OPCML: variants seen among roughly 807,000 people sequenced by gnomAD.
The protein encoded by OPCML is opioid-binding protein/cell adhesion molecule.
Under a neutral mutation model 37.8 loss-of-function variants are expected in OPCML, and 13 were observed. The ratio of observed to expected loss-of-function variants is 0.34; its 90% CI spans 0.22 to 0.55. The LOEUF is 0.55. OPCML is among the 20% of genes least tolerant of loss of function. The pLI is 0.91. For synonymous variants in OPCML, 176 were observed against 168.8 expected, an observed-to-expected ratio of 1.04 and a Z score of -0.33; for missense variants, 341 against 435.6, an observed-to-expected ratio of 0.78 and a Z score of 1.93.
chr11:133,192,912 T>C, intron 1 of OPCML, among the ~76,000 whole-genome samples: 1 of 152,008 alleles, frequency 6.6e-6, no homozygotes. Flanking sequence ...ACATGGCATT[T>C]GAATTGAGGT....
intron 2 of OPCML, among the ~76,000 whole-genome samples, chr11:132,882,463 C>T (rs185876198): frequency 0.012 from 1,849 of 152,272 alleles, 17 homozygotes; most frequent in Non-Finnish European, 0.021. Context: ...TCATTTGTGT[C>T]CCATCCTCTC....
intron 2 of OPCML, among the ~76,000 whole-genome samples, chr11:132,770,158 A>G (rs1946591355): frequency 6.6e-6 from 1 of 152,162 alleles, no homozygotes; most frequent in Non-Finnish European, 1.5e-5. Flanking sequence ...GAAGTCAACA[A>G]ATAACTTGTT....
At chr11:133,340,485 T>C (rs566928911) in intron 1 of OPCML, among the ~76,000 whole-genome samples, 5 of 151,250 alleles carry the variant, frequency 3.3e-5, no homozygotes, top group African/African-American at 1.2e-4. Context: ...CCTATATAAC[T>C]ATTCTAGCCC....
In OPCML at chr11:133,063,003, C is replaced by T. The variant is rs1204223312; in HGVS notation, c.62-119993G>A. ...CATCCTCCTTGTGCCTGTCCAGTGC[C>T]TCCCATGGCCGGGGGCCAGCATGGG... is the stretch of plus-strand genomic sequence containing the variant. On this transcript the variant is annotated intron_variant, in intron 1 of 7. Coordinates refer to ENST00000524381, the MANE Select transcript of OPCML (RefSeq NM_001012393.5). Among the ~76,000 whole-genome samples, 4 of 152,392 alleles carry T rather than the reference C, an allele frequency of 2.6e-5. No homozygotes were observed. In the East Asian group the frequency reaches 7.7e-4, roughly 29 times the overall value.
chr11:132,573,077 T>C (rs1262528694), intron 3 of OPCML, among the ~76,000 whole-genome samples: 1 of 152,002 alleles, frequency 6.6e-6, no homozygotes, highest in Non-Finnish European at 1.5e-5. Context: ...CAAACACAAC[T>C]ACATTTTGTA....
chr11:132,441,196 T>A (rs7124192), intron 4 of OPCML, among the ~76,000 whole-genome samples: 1 of 106,870 alleles, frequency 9.4e-6, no homozygotes, highest in African/African-American at 4.8e-5. Flanking sequence ...GAGACGGAGT[T>A]TCGCTCTGTC....
At chr11:133,292,256 A>G (rs1243718304) in intron 1 of OPCML, among the ~76,000 whole-genome samples, 2 of 152,130 alleles carry the variant, frequency 1.3e-5, no homozygotes, top group Non-Finnish European at 2.9e-5. Flanking sequence ...TCCAAGAGTA[A>G]TAATGCCTTT....
chr11:132,515,026 A>G (rs2096276692), intron 4 of OPCML, among the ~76,000 whole-genome samples: 1 of 152,190 alleles, frequency 6.6e-6, no homozygotes, highest in South Asian at 2.1e-4. Flanking sequence ...GGAGAGGCCC[A>G]GGATGAAAGC....
rs1301893070 is a variant in OPCML at position 133,140,949 on chromosome 11, CGAAGAA to C, written c.62-197945_62-197940del. ...ACGACGACGAAGAAGAAGAAGACGA[CGAAGAA>C]GAAGAAGAAGAAGAAGAAGAAGAAG... On this transcript the variant is annotated intron_variant, in intron 1 of 7. Coordinates refer to ENST00000524381, the MANE Select transcript of OPCML (RefSeq NM_001012393.5). Among the ~76,000 whole-genome samples the C allele has an allele frequency of 5.1e-3, 15 of 2,916 alleles. 4 individuals are homozygous for C. The highest frequency in any genetic ancestry group is 6.5e-3 in the African/African-American group (9 of 1,382). 1.9% of individuals were successfully genotyped at this position (2,916 alleles called of 152,430 possible).
chr11:133,506,873 C>T (rs1028375314), intron 1 of OPCML, among the ~76,000 whole-genome samples: 5 of 152,222 alleles, frequency 3.3e-5, no homozygotes, highest in Admixed American at 1.3e-4. Context: ...TGTGCAGGTT[C>T]GGGATGGCTG....
intron 1 of OPCML, among the ~76,000 whole-genome samples, chr11:133,279,548 C>T (rs1321112540): frequency 1.3e-5 from 2 of 152,156 alleles, no homozygotes; most frequent in South Asian, 2.1e-4. Flanking sequence ...TCCCCTCTGC[C>T]AGAGTTCCCT....
intron 1 of OPCML, among the ~76,000 whole-genome samples, chr11:133,274,613 T>C (rs1287650622): frequency 6.6e-6 from 1 of 152,134 alleles, no homozygotes; most frequent in African/African-American, 2.4e-5. Flanking sequence ...TTGTGGTACT[T>C]TGTTATGGGA....
intron 1 of OPCML, chr11:133,007,006 C>T (rs1376834762): frequency 1.0e-6 from 1 of 985,320 alleles, no homozygotes; most frequent in Non-Finnish European, 1.2e-6. Context: ...CAATCATATT[C>T]ACTTAATTTA....
intron 1 of OPCML, among the ~76,000 whole-genome samples, chr11:133,180,758 G>T (rs147335806): frequency 8.7e-4 from 129 of 149,048 alleles, no homozygotes; most frequent in African/African-American, 3.0e-3. Flanking sequence ...TTTACGGTAC[G>T]CATCACACGC....
intron 2 of OPCML, among the ~76,000 whole-genome samples, chr11:132,710,442 T>C (rs1170870677): frequency 6.6e-6 from 1 of 152,198 alleles, no homozygotes; most frequent in Non-Finnish European, 1.5e-5. Flanking sequence ...GGAGACACGA[T>C]GATATGTAAG....
At chr11:133,487,194 C>T (rs1040019694) in intron 1 of OPCML, among the ~76,000 whole-genome samples, 1 of 152,176 alleles carries the variant, frequency 6.6e-6, no homozygotes, top group South Asian at 2.1e-4. Context: ...AGGCTTCTTA[C>T]TGTATTCAGA....
intron 2 of OPCML, among the ~76,000 whole-genome samples, chr11:132,792,164 A>G (rs1937957822): frequency 6.6e-6 from 1 of 152,136 alleles, no homozygotes; most frequent in Non-Finnish European, 1.5e-5. Context: ...GGGCTTTGCA[A>G]TTGTAGCGTA....
intron 1 of OPCML, among the ~76,000 whole-genome samples, chr11:133,037,946 C>T (rs538382849): frequency 3.1e-4 from 47 of 152,306 alleles, no homozygotes; most frequent in Non-Finnish European, 5.7e-4. Context: ...GATTAGGGTC[C>T]CCTTGGACTC....
intron 1 of OPCML, among the ~76,000 whole-genome samples, chr11:133,259,665 G>A (rs755446342): frequency 5.9e-5 from 9 of 152,112 alleles, no homozygotes; most frequent in Non-Finnish European, 1.0e-4. Context: ...TAGTAAAAAC[G>A]AAATTATACT....
Sources: allele counts gnomAD v4.1 joint callset (sites outside exome capture counted in the v4.1 genomes callset), GRCh38; gene constraint gnomAD v4.1.1; transcripts MANE v1.5; gene names NCBI Gene and HGNC (gene_info 2026-07-23, HGNC 2026-07-21).